MTDH: variants seen among roughly 807,000 people sequenced by gnomAD.
MTDH encodes the protein protein LYRIC.
MTDH carries 34 observed loss-of-function variants against 72.7 expected under a neutral mutation model. The ratio of observed to expected loss-of-function variants is 0.47; its 90% CI spans 0.36 to 0.62. The LOEUF (loss-of-function observed/expected upper bound fraction) is 0.62. Among genes scored for constraint, MTDH ranks in the 20% least tolerant of loss-of-function variants. MTDH has a pLI of 0.00. For synonymous variants in MTDH, 266 were observed against 268.9 expected, an observed-to-expected ratio of 0.99 and a Z score of 0.10; for missense variants, 677 against 699.4, an observed-to-expected ratio of 0.97 and a Z score of 0.36.
At chr8:97,684,672 C>T (rs1032005707) in intron 2 of MTDH, among the ~76,000 whole-genome samples, 6 of 152,210 alleles carry the variant, frequency 3.9e-5, no homozygotes, top group East Asian at 1.9e-4. Flanking sequence ...TACTTAAGAG[C>T]GGCTATGGTA....
Position 97,687,475 on chromosome 8 carries a change from T to C in MTDH, c.615T>C (p.Arg205=). ...GTCACAGAGAGAAACGACAGCAGCG[T>C]AAACGTGATAAGGTGCTGACTGATT... is the stretch of plus-strand genomic sequence containing the variant. The part of the protein sequence containing the change: ...KISHREKRQQ[R]KRDKVLTDSG... Residue 205 remains arginine (R), a synonymous_variant, in exon 4 of 12, where the codon CGT becomes CGC. Transcript: ENST00000336273. 6.2e-7 allele frequency: 1 copy of C among 1,611,758 alleles called. No individual in the cohort carries two copies.
intron 6 of MTDH, among the ~76,000 whole-genome samples, chr8:97,695,095 A>G (rs1013962007): frequency 1.3e-5 from 2 of 148,604 alleles, no homozygotes; most frequent in Non-Finnish European, 3.0e-5. Context: ...ACAATTTGCA[A>G]TTTGCTGCTG....
At position 97,677,253 on chromosome 8, in the gene MTDH, G is replaced by A. The variant is rs146958346; in HGVS notation, c.484-9415G>A. On this transcript the variant is annotated intron_variant, in intron 2 of 11. Coordinates refer to ENST00000336273, the MANE Select transcript of MTDH (RefSeq NM_178812.4). ...TCATGCCTGTAATCCCAGCACGTTG[G>A]GAGGCCGAGGCAGGTGGATCACAAG... Among the ~76,000 whole-genome samples the A allele has an allele frequency of 6.7e-3, 971 of 145,026 alleles. 11 individuals are homozygous for A. The highest frequency in any genetic ancestry group is 0.011 in the Non-Finnish European group (745 of 66,880).
chr8:97,705,935 A>G (rs766776564), intron 7 of MTDH, among the ~76,000 whole-genome samples: 26 of 152,230 alleles, frequency 1.7e-4, no homozygotes, highest in Non-Finnish European at 3.8e-4. Flanking sequence ...AGTGCATCCT[A>G]TAGTGAAATA....
chr8:97,695,466 T>C (rs995530425), intron 6 of MTDH, among the ~76,000 whole-genome samples: 3 of 152,136 alleles, frequency 2.0e-5, no homozygotes, highest in Non-Finnish European at 4.4e-5. Flanking sequence ...ATAAATTAGA[T>C]GGTATTTGCT....
chr8:97,679,189 C>T (rs772239604), intron 2 of MTDH, among the ~76,000 whole-genome samples: 3 of 152,022 alleles, frequency 2.0e-5, no homozygotes, highest in Non-Finnish European at 2.9e-5. Flanking sequence ...TAGCATTTAC[C>T]TAGGGTTACT....
At position 97,728,789 on chromosome 8, in the gene MTDH, A is replaced by G. The variant is rs1563579632; in HGVS notation, c.*4119A>G. 1 of 151,800 alleles carries G rather than the reference A, an allele frequency of 6.6e-6. No homozygotes were observed. The highest frequency in any genetic ancestry group is 6.6e-5 in the Admixed American group (1 of 15,234). 9.4% of individuals were successfully genotyped at this position (151,800 alleles called of 1,614,324 possible). On this transcript the variant is annotated 3_prime_UTR_variant, in exon 12 of 12. Transcript: ENST00000336273. ...AAAAAAAAAAAATTAGAAACAAAAAAAAGATTGTTTCTCTTTCATATTAAA... is the reference window on the plus strand; with the variant it reads ...AAAAAAAAAAAATTAGAAACAAAAAGAAGATTGTTTCTCTTTCATATTAAA...
intron 7 of MTDH, among the ~76,000 whole-genome samples, chr8:97,700,919 G>A (rs1814094085): frequency 6.6e-6 from 1 of 152,192 alleles, no homozygotes; most frequent in South Asian, 2.1e-4. Context: ...AGTTCTTACA[G>A]ATTAAGGGAG....
At chr8:97,654,599 G>A (rs905333948) in intron 1 of MTDH, among the ~76,000 whole-genome samples, 3 of 151,288 alleles carry the variant, frequency 2.0e-5, no homozygotes, top group South Asian at 2.1e-4. Context: ...ATACATGTGC[G>A]GAATGTGCAG....
intron 8 of MTDH, among the ~76,000 whole-genome samples, chr8:97,708,045 T>G (rs1814436353): frequency 6.6e-6 from 1 of 151,714 alleles, no homozygotes; most frequent in African/African-American, 2.4e-5. Flanking sequence ...CTCAGCTCAC[T>G]GCAATCTCTG....
intron 2 of MTDH, among the ~76,000 whole-genome samples, chr8:97,662,030 A>G (rs898407777): frequency 6.6e-6 from 1 of 151,992 alleles, no homozygotes. Flanking sequence ...CTGAGATTTT[A>G]TTAATTTTCC....
chr8:97,663,739 ACT>A (rs1168303014), intron 2 of MTDH, among the ~76,000 whole-genome samples: 2 of 123,550 alleles, frequency 1.6e-5, no homozygotes, highest in Admixed American at 9.5e-5. Context: ...ACAGAGCAAG[ACT>A]CTGTCTCAAA....
chr8:97,691,930 A>T (rs973043564), intron 6 of MTDH, among the ~76,000 whole-genome samples: 10 of 151,886 alleles, frequency 6.6e-5, no homozygotes, highest in Non-Finnish European at 7.4e-5. Context: ...CCCAGGCTGG[A>T]GTGCAGTGGC....
At chr8:97,660,883 TTATATA>T (rs371936849) in intron 1 of MTDH, among the ~76,000 whole-genome samples, 183 bp from the exon 2 acceptor site, 1 of 128,234 alleles carries the variant, frequency 7.8e-6, no homozygotes, top group African/African-American at 2.8e-5. Context: ...CTTATGAATT[TTATATA>T]TATATATATA....
intron 1 of MTDH, among the ~76,000 whole-genome samples, chr8:97,658,970 C>T (rs914654021): frequency 5.9e-5 from 9 of 151,944 alleles, no homozygotes; most frequent in African/African-American, 1.5e-4. Flanking sequence ...AGTGAAACCC[C>T]GTCTCTACTA....
chr8:97,670,309 T>G (rs1586222853), intron 2 of MTDH, among the ~76,000 whole-genome samples: 1 of 151,836 alleles, frequency 6.6e-6, no homozygotes, highest in Non-Finnish European at 1.5e-5. Context: ...AGTGAGACCC[T>G]GTCTAAAAAA....
At chr8:97,708,878 G>A (rs1489806734) in intron 8 of MTDH, among the ~76,000 whole-genome samples, 1 of 151,922 alleles carries the variant, frequency 6.6e-6, no homozygotes, top group Non-Finnish European at 1.5e-5. Context: ...GGGATTACAG[G>A]CGTGAGCCAC....
At chr8:97,711,097 T>TA (rs1164353451) in intron 8 of MTDH, among the ~76,000 whole-genome samples, 1 of 152,232 alleles carries the variant, frequency 6.6e-6, no homozygotes, top group Non-Finnish European at 1.5e-5. Context: ...TTGATAGGTA[T>TA]ATTTTTGTCC....
chr8:97,694,793 C>T (rs890527595), intron 6 of MTDH, among the ~76,000 whole-genome samples: 12 of 151,912 alleles, frequency 7.9e-5, no homozygotes, highest in African/African-American at 2.4e-4. Flanking sequence ...CATGGTGGCA[C>T]GTGCCTGTAA....
Sources: allele counts gnomAD v4.1 joint callset (sites outside exome capture counted in the v4.1 genomes callset), GRCh38; gene constraint gnomAD v4.1.1; transcripts MANE v1.5; gene names NCBI Gene and HGNC (gene_info 2026-07-23, HGNC 2026-07-21).